The following RCAN3 variants were observed in gnomAD, a reference collection of about 807,000 sequenced individuals.
The protein encoded by RCAN3 is calcipressin-3.
In RCAN3, 19 loss-of-function variants were observed where a neutral mutation model predicts 21.9. That is an observed-to-expected ratio of 0.87 (90% CI 0.61 to 1.27). The LOEUF (loss-of-function observed/expected upper bound fraction) is 1.27. RCAN3 is among the 50% of genes most tolerant of loss of function. The probability of loss-of-function intolerance (pLI) is 0.00; values close to 1 mark genes in which losing one functional copy is unlikely to be tolerated. For synonymous variants in RCAN3, 114 were observed against 112.3 expected (o/e 1.01, Z -0.09); for missense variants, 240 against 300.1 (o/e 0.80, Z 1.48).
At position 24,507,255 on chromosome 1, in the gene RCAN3, T is replaced by G. The variant is rs184066873; in HGVS notation, c.-60+4105T>G. On this transcript the variant is annotated intron_variant, in intron 1 of 4. Transcript: ENST00000374395. ...TGACCTTTGTGCATGCTGGTCCTAC[T>G]GTCTTCCTGCCTTTGTTCATGTCCT... Among the ~76,000 whole-genome samples the G allele has an allele frequency of 5.9e-5, 9 of 152,324 alleles. No individual in the cohort carries two copies. In the East Asian group the frequency reaches 1.7e-3, roughly 29 times the overall value.
At chr1:24,526,437 A>G (rs1442140719) in intron 2 of RCAN3, among the ~76,000 whole-genome samples, 1 of 151,912 alleles carries the variant, frequency 6.6e-6, no homozygotes, top group Non-Finnish European at 1.5e-5. Flanking sequence ...CGTATAACCC[A>G]TTGCTGTCAT....
intron 1 of RCAN3, among the ~76,000 whole-genome samples, chr1:24,503,826 T>C (rs895467382): frequency 3.3e-5 from 5 of 152,252 alleles, no homozygotes; most frequent in African/African-American, 1.2e-4. Context: ...CTTCCACTTG[T>C]TGGAAGCCAC....
chr1:24,502,855 C>CGGGCGCGCGCAGGGGCCCGGGA lies in RCAN3; in HGVS notation c.-346_-345insCAGGGGCCCGGGAGGGCGCGCG, dbSNP rs1647199915. The CGGGCGCGCGCAGGGGCCCGGGA allele has an allele frequency of 1.3e-5, 2 of 150,084 alleles. No individual in the cohort carries two copies. Among genetic ancestry groups the CGGGCGCGCGCAGGGGCCCGGGA allele is most frequent in the African/African-American group, 4.9e-5 (2 of 41,138 alleles). 9.3% of individuals were successfully genotyped at this position (150,084 alleles called of 1,614,324 possible). On this transcript the variant is annotated 5_prime_UTR_variant, in exon 1 of 5. Transcript: ENST00000374395. ...CCTGCCAGAACAGGAGGGGACGAGG[C>CGGGCGCGCGCAGGGGCCCGGGA]GGGCGCGCGGCGCCGGCAGCCTAGC...
chr1:24,534,623 A>G (rs1256039938), intron 4 of RCAN3, among the ~76,000 whole-genome samples: 1 of 150,968 alleles, frequency 6.6e-6, no homozygotes, highest in Non-Finnish European at 1.5e-5. Flanking sequence ...AAGAAAAAAA[A>G]AAACCATCTC....
At chr1:24,516,129 C>T (rs745347575) in intron 2 of RCAN3, among the ~76,000 whole-genome samples, 5 of 150,704 alleles carry the variant, frequency 3.3e-5, no homozygotes, top group Non-Finnish European at 7.4e-5. Flanking sequence ...GGCAACAGAG[C>T]GAGACTCAGT....
chr1:24,532,206 TTTATTTATTTATTTA>T (rs1374895405), intron 3 of RCAN3, among the ~76,000 whole-genome samples: 4 of 151,700 alleles, frequency 2.6e-5, no homozygotes, highest in Non-Finnish European at 5.9e-5. Flanking sequence ...TCTTCATCCA[TTTATTTATTTATTTA>T]TTATTTTTAT....
At chr1:24,531,448 T>C (rs111372735) in intron 3 of RCAN3, 57 bp downstream of exon 3, 10 of 1,319,788 alleles carry the variant, frequency 7.6e-6, no homozygotes, top group Non-Finnish European at 1.0e-5. Context: ...CATCCAAAAA[T>C]ATTTTTATTT....
At chr1:24,507,285 G>A (rs1042112837) in intron 1 of RCAN3, among the ~76,000 whole-genome samples, 2 of 152,136 alleles carry the variant, frequency 1.3e-5, no homozygotes, top group Non-Finnish European at 2.9e-5. Flanking sequence ...TGTCCTGCTG[G>A]CTTTGTGTGG....
intron 2 of RCAN3, among the ~76,000 whole-genome samples, chr1:24,526,787 A>G (rs918390127): frequency 2.1e-4 from 32 of 152,162 alleles, no homozygotes; most frequent in Middle Eastern, 3.2e-3. Context: ...TAATGTTTAA[A>G]ATACATTTAA....
intron 2 of RCAN3, among the ~76,000 whole-genome samples, chr1:24,517,407 G>A (rs749488839): frequency 1.3e-5 from 2 of 152,030 alleles, no homozygotes; most frequent in African/African-American, 2.4e-5. Context: ...GTGAGCCACC[G>A]TATCCGGCCA....
At chr1:24,529,547 T>C (rs1649573369) in intron 2 of RCAN3, among the ~76,000 whole-genome samples, 1 of 110,564 alleles carries the variant, frequency 9.0e-6, no homozygotes, top group African/African-American at 3.7e-5. Flanking sequence ...AGACTCTGTC[T>C]CTCTTTTTTT....
chr1:24,512,859 AT>A (rs1647997773), intron 1 of RCAN3, among the ~76,000 whole-genome samples: 1 of 152,208 alleles, frequency 6.6e-6, no homozygotes, highest in African/African-American at 2.4e-5. Flanking sequence ...GAAACAGCCT[AT>A]GAGAGACAGA....
intron 4 of RCAN3, among the ~76,000 whole-genome samples, chr1:24,534,047 T>C (rs1357619385): frequency 1.3e-5 from 2 of 152,206 alleles, no homozygotes; most frequent in Non-Finnish European, 2.9e-5. Flanking sequence ...CATTTCCTTT[T>C]TCCTTCTCTT....
chr1:24,514,280 A>C, intron 1 of RCAN3, 34 bp from the exon 2 acceptor site: 4 of 1,155,116 alleles, frequency 3.5e-6, no homozygotes, highest in Non-Finnish European at 4.8e-6. Context: ...TGGTCTTCGG[A>C]GTTTTACCTC....
chr1:24,515,455 TGTGTGTGTG>T, intron 2 of RCAN3, among the ~76,000 whole-genome samples: 1 of 126,564 alleles, frequency 7.9e-6, no homozygotes. Context: ...TGTGTGTGTG[TGTGTGTGTG>T]CTTTGTTTTG....
At chr1:24,528,151 T>A (rs1649421112) in intron 2 of RCAN3, among the ~76,000 whole-genome samples, 1 of 151,280 alleles carries the variant, frequency 6.6e-6, no homozygotes, top group Non-Finnish European at 1.5e-5. Context: ...CTATAGGGAG[T>A]TAGGCATCTT....
intron 4 of RCAN3, among the ~76,000 whole-genome samples, chr1:24,533,971 G>C (rs1279158520): frequency 3.3e-5 from 5 of 152,082 alleles, no homozygotes; most frequent in Admixed American, 6.6e-5. Context: ...CAACTACTTT[G>C]AATATATTAC....
chr1:24,513,012 C>T (rs776609728), intron 1 of RCAN3, among the ~76,000 whole-genome samples: 14 of 152,152 alleles, frequency 9.2e-5, no homozygotes, highest in Non-Finnish European at 1.3e-4. Flanking sequence ...CCGAGTTGGG[C>T]GGATCACCAG....
chr1:24,508,903 A>G (rs184108194), intron 1 of RCAN3, among the ~76,000 whole-genome samples: 1 of 152,216 alleles, frequency 6.6e-6, no homozygotes, highest in Non-Finnish European at 1.5e-5. Flanking sequence ...GCTCACACCT[A>G]TAGTCCCAGT....
Sources: allele counts gnomAD v4.1 joint callset (sites outside exome capture counted in the v4.1 genomes callset), GRCh38; gene constraint gnomAD v4.1.1; transcripts MANE v1.5; gene names NCBI Gene and HGNC (gene_info 2026-07-23, HGNC 2026-07-21).